Variants in PLEKHM1 observed in about 807,000 individuals in gnomAD.
PLEKHM1 encodes the protein pleckstrin homology domain-containing family M member 1.
A neutral mutation model predicts 94.3 loss-of-function variants in PLEKHM1; 28 were observed. The observed-to-expected ratio is 0.30, with a 90% CI of 0.22 to 0.41. The LOEUF (loss-of-function observed/expected upper bound fraction) is 0.41. Among genes scored for constraint, PLEKHM1 ranks in the 10% least tolerant of loss-of-function variants. The probability of loss-of-function intolerance (pLI) is 1.00; values close to 1 mark genes in which losing one functional copy is unlikely to be tolerated. For missense variants in PLEKHM1, 907 were observed against 1,358.6 expected, an observed-to-expected ratio of 0.67 and a Z score of 5.22; for synonymous variants, 424 against 581.2, an observed-to-expected ratio of 0.73 and a Z score of 3.89.
chr17:45,463,353 G>A (rs1483984291), intron 5 of PLEKHM1, among the ~76,000 whole-genome samples: 2 of 152,298 alleles, frequency 1.3e-5, no homozygotes, highest in South Asian at 4.1e-4. Context: ...GAGAGGGTGT[G>A]AGAGAGAGTG....
Position 45,454,340 on chromosome 17 carries a change from C to G in PLEKHM1, c.1580-68G>C. The G allele has an allele frequency of 1.0e-5, 14 of 1,392,448 alleles. No homozygotes were observed. The South Asian group carries it at 1.7e-4, about 17-fold the overall frequency. 86.3% of individuals were successfully genotyped at this position (1,392,448 alleles called of 1,614,324 possible). A position where few individuals can be genotyped will look rare whatever the true frequency, so the allele number is the denominator to read the frequency against. On this transcript the variant is annotated intron_variant, in intron 6 of 11. Transcript: ENST00000430334. ...GTCTCTGTCCTGCCCAAGGCAGCCT[C>G]TGCTGCCTGATGCCCTGCAGTGCAT...
chr17:45,472,160 A>G (rs17631676), intron 4 of PLEKHM1, among the ~76,000 whole-genome samples: 19,712 of 152,220 alleles, frequency 0.13, 1,600 homozygotes, highest in Middle Eastern at 0.21. Context: ...TGAACTCTAA[A>G]TGTCGGTGAG....
At chr17:45,452,905 T>C (rs2050813488) in intron 7 of PLEKHM1, 1 of 252,902 alleles carries the variant, frequency 4.0e-6, no homozygotes, top group Admixed American at 5.0e-5. Context: ...GACATTTTCA[T>C]CATCACAGAA....
At chr17:45,454,462 A>G in intron 6 of PLEKHM1, 190 bp from the exon 7 acceptor site, 1 of 655,582 alleles carries the variant, frequency 1.5e-6, no homozygotes. Flanking sequence ...CTCACCGTCC[A>G]CTGCTGCTCT....
intron 10 of PLEKHM1, 178 bp from the exon 11 acceptor site, chr17:45,439,812 G>T: frequency 1.2e-6 from 1 of 840,572 alleles, no homozygotes; most frequent in Non-Finnish European, 1.9e-6. Flanking sequence ...GAATCAGGCT[G>T]AGCAATGCCA....
intron 1 of PLEKHM1, among the ~76,000 whole-genome samples, chr17:45,486,240 A>AAAAAT (rs1555588810): frequency 1.4e-5 from 2 of 142,854 alleles, no homozygotes; most frequent in Non-Finnish European, 3.1e-5. Flanking sequence ...TAAAATAAAA[A>AAAAAT]AATAATAATA....
rs1464815157 is a variant in PLEKHM1, at chr17:45,437,228, G to A, written c.*630C>T. 1 of 453,748 alleles carries A rather than the reference G, an allele frequency of 2.2e-6. No individual in the cohort carries two copies. Among genetic ancestry groups the A allele is most frequent in the Admixed American group, 2.3e-5 (1 of 42,566 alleles). 28.1% of individuals were successfully genotyped at this position (453,748 alleles called of 1,614,324 possible). On this transcript the variant is annotated 3_prime_UTR_variant, in exon 12 of 12. Coordinates refer to ENST00000430334, the MANE Select transcript of PLEKHM1 (RefSeq NM_014798.3). This position sits in a 1 kb window ranked among gnomAD's most constrained non-coding sequence, Gnocchi z 4.0. ...CAGAGGAACCGGGGTCGCCAGGACT[G>A]GCCCTGCCCTGCTGAGGGGCGGTTT...
At chr17:45,451,034 G>A (rs919355258) in intron 7 of PLEKHM1, among the ~76,000 whole-genome samples, 10 of 147,680 alleles carry the variant, frequency 6.8e-5, no homozygotes, top group Non-Finnish European at 1.2e-4. Flanking sequence ...TGATGAAGTG[G>A]CATGGCTGGC....
In PLEKHM1 at chr17:45,453,969, C is replaced by T. The variant is rs778248742; in HGVS notation, c.1883G>A (p.Arg628Gln). Residue 628 changes from arginine to glutamine, a missense_variant, in exon 7 of 12, where the codon CGG (arginine) becomes CAG (glutamine). Physicochemically the swap from Arg to Gln is conservative, Grantham distance 43. Transcript: ENST00000430334. The surrounding 1 kb of genome is among the most constrained non-coding windows in gnomAD (Gnocchi z 4.1). ...CACCCACTCATCCTCCTGCTGAGGC[C>T]GGACCTTCTGCAGGGCCTCCCGCAC... is the stretch of plus-strand genomic sequence containing the variant. ...DRVREALQKVRPQQEDEWVNV... is the reference protein window; with the variant it reads ...DRVREALQKVQPQQEDEWVNV... The T allele has an allele frequency of 1.7e-5, 27 of 1,613,846 alleles. No individual in the cohort carries two copies. Among genetic ancestry groups the T allele is most frequent in the Admixed American group, 6.7e-5 (4 of 60,000 alleles).
intron 4 of PLEKHM1, among the ~76,000 whole-genome samples, chr17:45,470,688 T>C (rs1221022520): frequency 1.3e-5 from 2 of 150,214 alleles, no homozygotes; most frequent in African/African-American, 4.9e-5. Flanking sequence ...AGACTGAGTC[T>C]CACTCTGTCG....
In PLEKHM1 at chr17:45,436,333, G is replaced by C; in HGVS notation, c.*1525C>G. 1 of 454,194 alleles carries C rather than the reference G, an allele frequency of 2.2e-6. No homozygotes were observed. Among genetic ancestry groups the C allele is most frequent in the Non-Finnish European group, 4.4e-6 (1 of 226,804 alleles). The allele number at this position is 454,194 out of a possible 1,614,324, so 28.1% of individuals were successfully genotyped here. A position where few individuals can be genotyped will look rare whatever the true frequency, so the allele number is the denominator to read the frequency against. On this transcript the variant is annotated 3_prime_UTR_variant, in exon 12 of 12. Coordinates refer to ENST00000430334, the MANE Select transcript of PLEKHM1 (RefSeq NM_014798.3). ...AGGAGGCATTGGCGTCTGGGCACAGGTGTGTGCCATGACCGGGAGAAGCTG... is the reference window on the plus strand; with the variant it reads ...AGGAGGCATTGGCGTCTGGGCACAGCTGTGTGCCATGACCGGGAGAAGCTG...
At chr17:45,475,075 G>C in intron 4 of PLEKHM1, 25 bp downstream of exon 4, 1 of 1,613,694 alleles carries the variant, frequency 6.2e-7, no homozygotes, top group Non-Finnish European at 8.5e-7. Context: ...GAGAAGATGG[G>C]AAGGAGTGGG....
In PLEKHM1 at chr17:45,436,623, C is replaced by T; in HGVS notation, c.*1235G>A. On this transcript the variant is annotated 3_prime_UTR_variant, in exon 12 of 12. Coordinates refer to ENST00000430334, the MANE Select transcript of PLEKHM1 (RefSeq NM_014798.3). ...CCAGCAAACCCACATTTCCCCGAAG[C>T]CTGGAGGGTCTGACCATCACTTTGA... 2.2e-6 allele frequency: 1 copy of T among 454,086 alleles called. No homozygotes were observed. Among genetic ancestry groups the T allele is most frequent in the Admixed American group, 2.3e-5 (1 of 42,574 alleles). 28.1% of individuals were successfully genotyped at this position (454,086 alleles called of 1,614,324 possible).
chr17:45,479,296 G>A (rs1318121804), intron 2 of PLEKHM1, among the ~76,000 whole-genome samples: 1 of 152,084 alleles, frequency 6.6e-6, no homozygotes, highest in African/African-American at 2.4e-5. Flanking sequence ...GAGGTGGGCG[G>A]ATCACGAGGT....
rs574279426 is a variant in PLEKHM1 at position 45,444,663 on chromosome 17, C to T, written c.2837+807G>A. On this transcript the variant is annotated intron_variant, in intron 9 of 11. Coordinates refer to ENST00000430334, the MANE Select transcript of PLEKHM1 (RefSeq NM_014798.3). This position sits in a 1 kb window ranked among gnomAD's most constrained non-coding sequence, Gnocchi z 5.0. Reference sequence around the variant, plus strand: ...AAGTTCTCCCTGGGCTTTCCACCAACGGTGCCTTCGTTCATGGCCTGTGCG... The same window carrying T: ...AAGTTCTCCCTGGGCTTTCCACCAATGGTGCCTTCGTTCATGGCCTGTGCG... Among the ~76,000 whole-genome samples, 6 of 152,318 alleles carry T rather than the reference C, an allele frequency of 3.9e-5. No homozygotes were observed. In the East Asian group the frequency reaches 7.7e-4, roughly 20 times the overall value.
chr17:45,449,493 C>T (rs1325855544), intron 8 of PLEKHM1, among the ~76,000 whole-genome samples: 1 of 152,100 alleles, frequency 6.6e-6, no homozygotes, highest in Non-Finnish European at 1.5e-5. Flanking sequence ...AAGCCATCCA[C>T]TCATCCACCT....
chr17:45,446,048 T>G, intron 8 of PLEKHM1: 1 of 338,918 alleles, frequency 3.0e-6, no homozygotes, highest in Non-Finnish European at 5.6e-6. Flanking sequence ...AGGCACTCCC[T>G]TCTGTGCCCT....
chr17:45,486,020 T>A (rs1444021062), intron 1 of PLEKHM1, among the ~76,000 whole-genome samples: 1 of 149,342 alleles, frequency 6.7e-6, no homozygotes, highest in Non-Finnish European at 1.5e-5. Flanking sequence ...ATCGAGACCA[T>A]CCTGGCTAAC....
chr17:45,438,046 G>A lies in PLEKHM1; in HGVS notation c.3060-77C>T, dbSNP rs868507346. The stretch of plus-strand genomic sequence containing the variant: ...TGTGGCCACGCTGGCCAGCCCTTTT[G>A]ACCAGAACCCACGATACGGCTGTGA... On this transcript the variant is annotated intron_variant, in intron 11 of 11. Coordinates refer to ENST00000430334, the MANE Select transcript of PLEKHM1 (RefSeq NM_014798.3). 8.4e-6 allele frequency: 9 copies of A among 1,077,378 alleles called. No individual in the cohort carries two copies. In the South Asian group the frequency reaches 1.1e-4, roughly 14 times the overall value. The allele number at this position is 1,077,378 out of a possible 1,614,324, so 66.7% of individuals were successfully genotyped here.
Sources: gnomAD v4.1 joint callset for allele counts (sites outside exome capture counted in the v4.1 genomes callset) on GRCh38, gnomAD v4.1.1 for gene constraint, Gnocchi (gnomAD v3.1) non-coding constraint, MANE v1.5 for transcripts, NCBI Gene and HGNC (gene_info 2026-07-23, HGNC 2026-07-21) for gene names.